Variants in USH2A observed in about 807,000 individuals in gnomAD.
The protein encoded by USH2A is usherin.
USH2A carries 443 observed loss-of-function variants against 538.9 expected under a neutral mutation model. That is an observed-to-expected ratio of 0.82 (90% CI 0.76 to 0.89). USH2A has a LOEUF of 0.89. Ranked by LOEUF, USH2A falls within the 40% of genes least tolerant of loss-of-function variation. The pLI, the probability that USH2A is intolerant of heterozygous loss-of-function variation, is 0.00. For synonymous variants in USH2A, 2,413 were observed against 2,273.5 expected, an observed-to-expected ratio of 1.06 and a Z score of -1.75; for missense variants, 6,633 against 6,324.8, an observed-to-expected ratio of 1.05 and a Z score of -1.65.
chr1:216,248,009 A>G (rs1348778947), intron 12 of USH2A, among the ~76,000 whole-genome samples: 1 of 152,166 alleles, frequency 6.6e-6, no homozygotes, highest in Non-Finnish European at 1.5e-5. Context: ...TAAGTAATTA[A>G]TATAAATAAA....
chr1:215,704,284 T>C (rs896655036), intron 61 of USH2A, among the ~76,000 whole-genome samples: 1 of 152,200 alleles, frequency 6.6e-6, no homozygotes, highest in Admixed American at 6.5e-5. Context: ...AATCCCCTAC[T>C]TCTGCTTTTA....
At chr1:215,633,455 A>G (rs1050780712) in intron 70 of USH2A, among the ~76,000 whole-genome samples, 1 of 152,136 alleles carries the variant, frequency 6.6e-6, no homozygotes, top group African/African-American at 2.4e-5. Flanking sequence ...TGATCCAGCT[A>G]TGTTGGGGCT....
At chr1:215,654,038 A>C (rs1452706175) in intron 64 of USH2A, among the ~76,000 whole-genome samples, 2 of 152,092 alleles carry the variant, frequency 1.3e-5, no homozygotes, top group Non-Finnish European at 2.9e-5. Context: ...AAAATGGAAG[A>C]GTTATTATTG....
At chr1:216,214,586 T>C (rs1285607212) in intron 15 of USH2A, among the ~76,000 whole-genome samples, 1 of 152,038 alleles carries the variant, frequency 6.6e-6, no homozygotes, top group Non-Finnish European at 1.5e-5. Context: ...AAGGAACTTT[T>C]TGAAATGACA....
In USH2A at chr1:216,071,970, T is replaced by C. The variant is rs954897745; in HGVS notation, c.5857+919A>G. 1.8e-4 allele frequency among the ~76,000 whole-genome samples: 28 copies of C among 152,206 alleles called. 1 individual carries two copies. The highest frequency in any genetic ancestry group is 1.6e-3 in the Admixed American group (25 of 15,262). ...AGGTAGAGAGTCTTGAAAATTATTC[T>C]TAGTTGCTCATCTCAGTATTTAATT... is the stretch of plus-strand genomic sequence containing the variant. On this transcript the variant is annotated intron_variant, in intron 29 of 71. Coordinates refer to ENST00000307340, the MANE Select transcript of USH2A (RefSeq NM_206933.4).
chr1:215,921,383 T>C (rs1349805875), intron 38 of USH2A, among the ~76,000 whole-genome samples: 2 of 152,048 alleles, frequency 1.3e-5, no homozygotes, highest in Admixed American at 6.6e-5. Flanking sequence ...TAAACATGTT[T>C]TACCTACATT....
chr1:216,283,267 T>C (rs920799962), intron 11 of USH2A, among the ~76,000 whole-genome samples: 1 of 152,128 alleles, frequency 6.6e-6, no homozygotes, highest in Non-Finnish European at 1.5e-5. Flanking sequence ...TGTTTTTGTA[T>C]TTGTAATAGA....
intron 4 of USH2A, among the ~76,000 whole-genome samples, chr1:216,358,957 A>C (rs1207461252): frequency 6.6e-6 from 1 of 152,174 alleles, no homozygotes; most frequent in Non-Finnish European, 1.5e-5. Context: ...TTATGGCGCT[A>C]TCAAATACTT....
chr1:215,735,172 C>G (rs191634694), intron 60 of USH2A, among the ~76,000 whole-genome samples: 5 of 152,162 alleles, frequency 3.3e-5, no homozygotes, highest in Admixed American at 3.3e-4. Flanking sequence ...GTGGCAGGTA[C>G]CCCTCTTCAA....
chr1:216,201,115 A>G (rs1309800719), intron 16 of USH2A, among the ~76,000 whole-genome samples: 1 of 150,206 alleles, frequency 6.7e-6, no homozygotes, highest in Non-Finnish European at 1.5e-5. Context: ...TGAAACAGCA[A>G]CAATGTTTAG....
At chr1:216,296,620 C>T (rs1001661485) in intron 9 of USH2A, among the ~76,000 whole-genome samples, 1 of 151,964 alleles carries the variant, frequency 6.6e-6, no homozygotes, top group Non-Finnish European at 1.5e-5. Flanking sequence ...AGAATGAGAA[C>T]AATTCACAAA....
At chr1:215,814,193 A>AAAAT in intron 48 of USH2A, among the ~76,000 whole-genome samples, 1 of 145,490 alleles carries the variant, frequency 6.9e-6, no homozygotes, top group African/African-American at 2.5e-5. Context: ...TATATCTTTT[A>AAAAT]TTTTATTATA....
chr1:216,076,394 G>T (rs1183345065), intron 27 of USH2A, among the ~76,000 whole-genome samples: 1 of 152,064 alleles, frequency 6.6e-6, no homozygotes, highest in Non-Finnish European at 1.5e-5. Context: ...CTATGGTGAT[G>T]TTTTAAACTT....
chr1:216,045,003 G>A (rs1367341903), intron 32 of USH2A, among the ~76,000 whole-genome samples: 2 of 152,076 alleles, frequency 1.3e-5, no homozygotes, highest in South Asian at 2.1e-4. Flanking sequence ...CTGTCCACAC[G>A]ACTTGCTCCA....
chr1:215,829,848 T>G (rs548692263), intron 47 of USH2A, among the ~76,000 whole-genome samples: 2 of 152,318 alleles, frequency 1.3e-5, no homozygotes, highest in South Asian at 2.1e-4. Context: ...TATCAAGTTT[T>G]TGCTAGGCTT....
chr1:216,335,131 A>C (rs958941144), intron 4 of USH2A, among the ~76,000 whole-genome samples: 1 of 151,766 alleles, frequency 6.6e-6, no homozygotes, highest in Middle Eastern at 3.2e-3. Flanking sequence ...AAAAATTAGA[A>C]ATCAATAACA....
intron 11 of USH2A, 119 bp from the exon 12 acceptor site, chr1:216,251,217 G>T: frequency 1.0e-6 from 1 of 995,252 alleles, no homozygotes; most frequent in Non-Finnish European, 1.5e-6. Context: ...AGACAAGAAG[G>T]TAATAAGATA....
rs550096037 is a variant in USH2A at position 215,674,427 on chromosome 1, C to A, written c.13484G>T (p.Arg4495Leu). 10 of 1,614,092 alleles carry A rather than the reference C, an allele frequency of 6.2e-6. No individual in the cohort carries two copies. The highest frequency in any genetic ancestry group is 7.6e-6 in the Non-Finnish European group (9 of 1,180,002). ...CACACCTGGGGTGAGAGTAAAATCA[C>A]GATAGCGTGTTTCCAAGCCTGTATA... is the stretch of plus-strand genomic sequence containing the variant. ...IVYTGLETRY[R>L]DFTLTPGVEY... The change falls in exon 63 of 72, where the codon CGT (arginine) becomes CTT (leucine). Residue 4495 changes from arginine to leucine, a missense_variant. By Grantham distance (102) the Arg-to-Leu change is moderately radical (BLOSUM62 -2). Transcript: ENST00000307340.
intron 3 of USH2A, among the ~76,000 whole-genome samples, chr1:216,412,033 C>G (rs2039498321): frequency 6.6e-6 from 1 of 152,070 alleles, no homozygotes; most frequent in South Asian, 2.1e-4. Flanking sequence ...GATTGCTTAT[C>G]CTCTGAAGAG....
Sources: gnomAD v4.1 joint callset for allele counts (sites outside exome capture counted in the v4.1 genomes callset) on GRCh38, gnomAD v4.1.1 for gene constraint, MANE v1.5 for transcripts, NCBI Gene and HGNC (gene_info 2026-07-23, HGNC 2026-07-21) for gene names.